ENTREP2: variants seen among roughly 807,000 people sequenced by gnomAD.
The protein encoded by ENTREP2 is protein ENTREP2.
the ENTREP2 span, among the ~76,000 whole-genome samples, chr15:29,168,696 T>C: frequency 2.6e-5 from 4 of 152,184 alleles, no homozygotes; most frequent in Admixed American, 2.0e-4. Context: ...TCCCTAAAAA[T>C]GTCGATGGAT....
the ENTREP2 span, among the ~76,000 whole-genome samples, chr15:29,191,535 G>A: frequency 6.6e-6 from 1 of 152,088 alleles, no homozygotes; most frequent in Non-Finnish European, 1.5e-5. Flanking sequence ...AGGAGCCGAG[G>A]AGGGAGTTGC....
the ENTREP2 span, among the ~76,000 whole-genome samples, chr15:29,525,573 T>C: frequency 6.6e-6 from 1 of 152,224 alleles, no homozygotes; most frequent in East Asian, 1.9e-4. Context: ...GGGGCTAAAC[T>C]AGGCACATGA....
At chr15:29,136,578 A>G in the ENTREP2 span, 1 of 1,476,666 alleles carries the variant, frequency 6.8e-7, no homozygotes, top group Non-Finnish European at 9.0e-7. Flanking sequence ...AAGCCGCCAG[A>G]GCAGGGGCGG....
At chr15:29,470,376 G>C in the ENTREP2 span, among the ~76,000 whole-genome samples, 1 of 152,196 alleles carries the variant, frequency 6.6e-6, no homozygotes, top group African/African-American at 2.4e-5. Flanking sequence ...GCAGGTGAGA[G>C]TACATTTACC....
At chr15:29,302,326 G>A in the ENTREP2 span, among the ~76,000 whole-genome samples, 1 of 152,078 alleles carries the variant, frequency 6.6e-6, no homozygotes, top group East Asian at 1.9e-4. Context: ...TATCGTCTTG[G>A]TATTTGATAC....
chr15:29,233,992 A>G, the ENTREP2 span: 42 of 1,496,540 alleles, frequency 2.8e-5, no homozygotes, highest in East Asian at 4.5e-5. Flanking sequence ...CCATAGGAAG[A>G]GTTGAAATAT....
At chr15:29,357,486 C>T in the ENTREP2 span, among the ~76,000 whole-genome samples, 1 of 151,754 alleles carries the variant, frequency 6.6e-6, no homozygotes, top group Non-Finnish European at 1.5e-5. Flanking sequence ...AGAGAAATGA[C>T]ACAAATGGGT....
the ENTREP2 span, among the ~76,000 whole-genome samples, chr15:29,584,481 C>G: frequency 6.6e-6 from 1 of 151,612 alleles, no homozygotes; most frequent in Non-Finnish European, 1.5e-5. Flanking sequence ...GAATATTATT[C>G]AGCCATAAAA....
chr15:29,215,401 G>T, the ENTREP2 span, among the ~76,000 whole-genome samples: 2 of 151,922 alleles, frequency 1.3e-5, no homozygotes, highest in Non-Finnish European at 2.9e-5. Flanking sequence ...GGAGAGACTG[G>T]CCTAGCCTCC....
At chr15:29,215,363 A>C in the ENTREP2 span, among the ~76,000 whole-genome samples, 3 of 151,976 alleles carry the variant, frequency 2.0e-5, no homozygotes, top group African/African-American at 7.3e-5. Context: ...TGCAGATAAG[A>C]CTATAAGCAG....
At chr15:29,139,676 G>C in the ENTREP2 span, among the ~76,000 whole-genome samples, 1 of 152,180 alleles carries the variant, frequency 6.6e-6, no homozygotes, top group African/African-American at 2.4e-5. Context: ...TGGAGGCTAT[G>C]TAAAGGTCAA....
chr15:29,230,672 A>G, the ENTREP2 span, among the ~76,000 whole-genome samples: 1 of 152,146 alleles, frequency 6.6e-6, no homozygotes, highest in Non-Finnish European at 1.5e-5. Flanking sequence ...GTTTTGGTAG[A>G]GGGAACAGCA....
chr15:29,650,982 T>TGCCA, the ENTREP2 span, among the ~76,000 whole-genome samples: 1 of 152,068 alleles, frequency 6.6e-6, no homozygotes, highest in Non-Finnish European at 1.5e-5. Context: ...CACTACTGCA[T>TGCCA]GCCAGCCTGG....
At chr15:29,544,878 T>C in the ENTREP2 span, among the ~76,000 whole-genome samples, 2 of 152,208 alleles carry the variant, frequency 1.3e-5, no homozygotes, top group Non-Finnish European at 2.9e-5. Flanking sequence ...TGCCTGTGCA[T>C]GCATAAACTT....
chr15:29,391,827 T>G, the ENTREP2 span, among the ~76,000 whole-genome samples: 1 of 152,254 alleles, frequency 6.6e-6, no homozygotes, highest in Admixed American at 6.5e-5. Context: ...TTGTTTTTTG[T>G]TGCTGTTGTT....
chr15:29,393,746 TTTTA>T, the ENTREP2 span, among the ~76,000 whole-genome samples: 4 of 80,658 alleles, frequency 5.0e-5, no homozygotes, highest in East Asian at 3.6e-4. Context: ...TTTTATTTTT[TTTTA>T]AATTAACAAA....
chr15:29,420,960 A>G, the ENTREP2 span, among the ~76,000 whole-genome samples: 6 of 152,240 alleles, frequency 3.9e-5, no homozygotes, highest in African/African-American at 1.4e-4. Flanking sequence ...GTGCTCCACA[A>G]AACAAGGCAG....
chr15:29,570,396 T>A, the ENTREP2 span: 8 of 639,560 alleles, frequency 1.3e-5, no homozygotes, highest in African/African-American at 5.8e-5. Flanking sequence ...GCCCCGGCGT[T>A]GGCCGCCGGA....
chr15:29,645,808 C>T, the ENTREP2 span, among the ~76,000 whole-genome samples: 1 of 152,162 alleles, frequency 6.6e-6, no homozygotes, highest in African/African-American at 2.4e-5. Context: ...GATCCGCCCA[C>T]TCAGCCTCCC....
Sources: gnomAD v4.1 joint callset for allele counts (sites outside exome capture counted in the v4.1 genomes callset) on GRCh38, gnomAD v4.1.1 for gene constraint, MANE v1.5 for transcripts, NCBI Gene and HGNC (gene_info 2026-07-23, HGNC 2026-07-21) for gene names.